Variants in PDE7A observed in about 807,000 individuals in gnomAD.
PDE7A encodes the protein phosphodiesterase 7A.
PDE7A carries 39 observed loss-of-function variants against 64.3 expected under a neutral mutation model. The observed-to-expected ratio is 0.61, with a 90% CI of 0.47 to 0.79. The LOEUF is 0.79. Ranked by LOEUF, PDE7A falls within the 30% of genes least tolerant of loss-of-function variation. The pLI is 0.00. For missense variants in PDE7A, 470 were observed against 582.8 expected, an observed-to-expected ratio of 0.81 and a Z score of 1.99; for synonymous variants, 203 against 206.8, an observed-to-expected ratio of 0.98 and a Z score of 0.16.
chr8:65,752,596 A>G (rs1438597970), intron 3 of PDE7A, among the ~76,000 whole-genome samples: 4 of 152,114 alleles, frequency 2.6e-5, no homozygotes, highest in Non-Finnish European at 4.4e-5. Context: ...TTTCTCTTTA[A>G]AGGCCAATTA....
chr8:65,823,176 A>AATTT (rs1810583739), intron 1 of PDE7A, among the ~76,000 whole-genome samples: 1 of 152,174 alleles, frequency 6.6e-6, no homozygotes, highest in Admixed American at 6.5e-5. Flanking sequence ...AAAACCTCTA[A>AATTT]AAAGTTTGAA....
intron 3 of PDE7A, 130 bp downstream of exon 3, chr8:65,779,590 C>A: frequency 3.7e-6 from 2 of 542,138 alleles, no homozygotes; most frequent in Non-Finnish European, 3.3e-6. Context: ...ATTTACATGA[C>A]CTAGGTTTTA....
intron 11 of PDE7A, among the ~76,000 whole-genome samples, chr8:65,723,947 A>T (rs1438434926): frequency 6.6e-6 from 1 of 152,200 alleles, no homozygotes; most frequent in Non-Finnish European, 1.5e-5. Context: ...TTACATGTTC[A>T]TATGGCCCTC....
Position 65,724,785 on chromosome 8 carries a change from C to A in PDE7A, c.1057G>T (p.Val353Phe). 1 of 1,604,240 alleles carries A rather than the reference C, an allele frequency of 6.2e-7. No homozygotes were observed. Residue 353 changes from valine (V) to phenylalanine (F), a missense_variant, in exon 10 of 13, where the codon GTT becomes TTT. Physicochemically the swap from Val to Phe is conservative, Grantham distance 50 (BLOSUM62 -1). Coordinates refer to ENST00000401827, the MANE Select transcript of PDE7A (RefSeq NM_001242318.3). ...CLEDTRHRHLVLQMALKCADI... is the reference protein window; with the variant it reads ...CLEDTRHRHLFLQMALKCADI... ...TCCAAGCCCCATTTTACCTGTAAAACCAAATGTCTGTGTCTGGTGTCTTCT... is the reference window on the plus strand; with the variant it reads ...TCCAAGCCCCATTTTACCTGTAAAAACAAATGTCTGTGTCTGGTGTCTTCT...
At chr8:65,719,749 A>T in intron 12 of PDE7A, 1 of 470,732 alleles carries the variant, frequency 2.1e-6, no homozygotes, top group Non-Finnish European at 3.8e-6. Flanking sequence ...TTTTCTGGTT[A>T]TCCTTCTCAG....
At chr8:65,819,920 C>T (rs1810501534) in intron 1 of PDE7A, among the ~76,000 whole-genome samples, 1 of 152,306 alleles carries the variant, frequency 6.6e-6, no homozygotes, top group South Asian at 2.1e-4. Context: ...CAATGGCAAA[C>T]TGTCCTGAAT....
intron 6 of PDE7A, among the ~76,000 whole-genome samples, chr8:65,736,531 T>C (rs1248191751): frequency 6.6e-6 from 1 of 152,100 alleles, no homozygotes; most frequent in Non-Finnish European, 1.5e-5. Context: ...GGCTGGAGGA[T>C]TGCTTGAGGC....
At chr8:65,814,799 G>A (rs986287071) in intron 1 of PDE7A, among the ~76,000 whole-genome samples, 3 of 152,146 alleles carry the variant, frequency 2.0e-5, no homozygotes, top group Non-Finnish European at 2.9e-5. Context: ...GAGGTCAGGA[G>A]ATCGAGACCA....
At chr8:65,777,313 A>C (rs1809289684) in intron 3 of PDE7A, among the ~76,000 whole-genome samples, 1 of 152,016 alleles carries the variant, frequency 6.6e-6, no homozygotes. Flanking sequence ...TCCCGACCTC[A>C]GATGATCCGC....
At chr8:65,776,603 T>G (rs953964300) in intron 3 of PDE7A, among the ~76,000 whole-genome samples, 3 of 152,208 alleles carry the variant, frequency 2.0e-5, no homozygotes, top group Non-Finnish European at 2.9e-5. Flanking sequence ...CAGTTTTCTA[T>G]GTAGAGTTAT....
intron 3 of PDE7A, chr8:65,765,413 C>T (rs909332716): frequency 3.6e-5 from 5 of 140,200 alleles, no homozygotes; most frequent in Admixed American, 2.2e-4. Flanking sequence ...GGCGTGAACC[C>T]GGGAGGCGGA....
At chr8:65,795,587 A>G (rs572016498) in intron 1 of PDE7A, among the ~76,000 whole-genome samples, 32 of 152,294 alleles carry the variant, frequency 2.1e-4, no homozygotes, top group African/African-American at 7.2e-4. Context: ...ACCTCAGGGA[A>G]TACCTGGGAC....
intron 1 of PDE7A, among the ~76,000 whole-genome samples, chr8:65,813,091 G>A (rs1301640921): frequency 6.6e-6 from 1 of 152,126 alleles, no homozygotes; most frequent in South Asian, 2.1e-4. Context: ...AAAAGATTTG[G>A]ACACAGTAGG....
intron 2 of PDE7A, among the ~76,000 whole-genome samples, chr8:65,781,234 G>A (rs1809410201): frequency 6.6e-6 from 1 of 152,054 alleles, no homozygotes; most frequent in African/African-American, 2.4e-5. Flanking sequence ...GTGAGCCAGG[G>A]AGGAAGAGCC....
At chr8:65,811,425 C>T (rs1367887658) in intron 1 of PDE7A, among the ~76,000 whole-genome samples, 1 of 152,194 alleles carries the variant, frequency 6.6e-6, no homozygotes, top group African/African-American at 2.4e-5. Flanking sequence ...TCTCTCTCCT[C>T]CCACCCGCCC....
Position 65,734,828 on chromosome 8 carries a change from G to GT in PDE7A, c.661dup (p.Thr221AsnfsTer12). On this transcript the variant is annotated frameshift_variant, in exon 7 of 13. Coordinates refer to ENST00000401827, the MANE Select transcript of PDE7A (RefSeq NM_001242318.3). LOFTEE classifies it high-confidence loss of function. ...CTTTAAGTAACAGTGCATGGCCTGA[G>GT]TAACATCCGCAGCGTGGACTGCGTT... 6.2e-7 allele frequency: 1 copy of GT among 1,610,572 alleles called. No homozygotes were observed. The highest frequency in any genetic ancestry group is 8.5e-7 in the Non-Finnish European group (1 of 1,176,780).
At position 65,747,860 on chromosome 8, in the gene PDE7A, C is replaced by A. The variant is rs559412022; in HGVS notation, c.284-57G>T. The A allele has an allele frequency of 8.7e-6, 9 of 1,028,904 alleles. No homozygotes were observed. The East Asian group carries it at 2.3e-4, about 26-fold the overall frequency. The allele number at this position is 1,028,904 out of a possible 1,614,324, so 63.7% of individuals were successfully genotyped here. A position where few individuals can be genotyped will look rare whatever the true frequency, so the allele number is the denominator to read the frequency against. ...CAAGTTAAAATTATACACATGCTAT[C>A]TTTGCAATACCACTTTTAGTTATGT... On this transcript the variant is annotated intron_variant, in intron 3 of 12. Transcript: ENST00000401827.
rs1048372899 is a variant in PDE7A, at chr8:65,716,714, C to T, written c.*2576G>A. 6.6e-6 allele frequency among the ~76,000 whole-genome samples: 1 copy of T among 152,230 alleles called. No individual in the cohort carries two copies. The highest frequency in any genetic ancestry group is 1.5e-5 in the Non-Finnish European group (1 of 68,038). ...TGATAGTGTTTTAAAAAAATAGTTA[C>T]TGTGAGCTTGGTTAATGTGGGTTTG... On this transcript the variant is annotated 3_prime_UTR_variant, in exon 13 of 13. Transcript: ENST00000401827.
At chr8:65,790,085 G>A (rs1452869064) in intron 1 of PDE7A, among the ~76,000 whole-genome samples, 1 of 152,242 alleles carries the variant, frequency 6.6e-6, no homozygotes, top group Non-Finnish European at 1.5e-5. Context: ...GAATTGTGAA[G>A]ACAGAAGACA....
Sources: allele counts gnomAD v4.1 joint callset (sites outside exome capture counted in the v4.1 genomes callset), GRCh38; gene constraint gnomAD v4.1.1; transcripts MANE v1.5; gene names NCBI Gene and HGNC (gene_info 2026-07-23, HGNC 2026-07-21).